TOP3A: variants seen among roughly 807,000 people sequenced by gnomAD.
TOP3A encodes DNA topoisomerase 3-alpha.
A neutral mutation model predicts 111.3 loss-of-function variants in TOP3A; 64 were observed. The observed-to-expected ratio is 0.57, with a 90% CI of 0.47 to 0.71. The LOEUF (loss-of-function observed/expected upper bound fraction) is 0.71. Ranked by LOEUF, TOP3A falls within the 30% of genes least tolerant of loss-of-function variation. The pLI, the probability that TOP3A is intolerant of heterozygous loss-of-function variation, is 0.00. For missense variants in TOP3A, 1,104 were observed against 1,285.0 expected (o/e 0.86, Z 2.15); for synonymous variants, 484 against 485.1 (o/e 1.00, Z 0.03).
intron 10 of TOP3A, among the ~76,000 whole-genome samples, chr17:18,293,448 G>A (rs997614313): frequency 6.6e-6 from 1 of 151,812 alleles, no homozygotes; most frequent in Non-Finnish European, 1.5e-5. Flanking sequence ...ACCATGCCTG[G>A]CTAATTTTTT....
intron 18 of TOP3A, among the ~76,000 whole-genome samples, chr17:18,277,014 G>T (rs140495557): frequency 6.6e-6 from 1 of 152,014 alleles, no homozygotes; most frequent in African/African-American, 2.4e-5. Context: ...TGAAACCCCC[G>T]TCTCTACTAA....
rs1399035650 is a variant in TOP3A, at chr17:18,299,565, G to A, written c.984C>T (p.Asp328=). The A allele has an allele frequency of 6.2e-7, 1 of 1,614,016 alleles. No homozygotes were observed. The highest frequency in any genetic ancestry group is 1.1e-5 in the South Asian group (1 of 91,080). Residue 328 remains aspartate (D), a synonymous_variant, in exon 9 of 19, where the codon GAC becomes GAT. Coordinates refer to ENST00000321105, the MANE Select transcript of TOP3A (RefSeq NM_004618.5). ...PKSKWRPQAL[D]TVELEKLASR... ...CAGCCTGTCTGGAACATACCACAGT[G>A]TCCAAGGCTTGAGGCCGCCACTTGC...
At chr17:18,303,649 C>T (rs775543155) in intron 5 of TOP3A, among the ~76,000 whole-genome samples, 2 of 152,092 alleles carry the variant, frequency 1.3e-5, no homozygotes, top group South Asian at 4.1e-4. Flanking sequence ...GGCACAGCAC[C>T]TTCCCTTAAA....
At chr17:18,293,491 T>C (rs889184277) in intron 10 of TOP3A, among the ~76,000 whole-genome samples, 6 of 151,552 alleles carry the variant, frequency 4.0e-5, no homozygotes, top group Non-Finnish European at 7.4e-5. Context: ...TTTGTCATGT[T>C]GCTCAGGTCG....
chr17:18,303,312 G>A (rs1321658872), intron 5 of TOP3A, among the ~76,000 whole-genome samples: 2 of 152,232 alleles, frequency 1.3e-5, no homozygotes, highest in African/African-American at 4.8e-5. Flanking sequence ...GGTTTCCCCC[G>A]ACTGAGACAG....
rs766790202 is a variant in TOP3A at position 18,278,236 on chromosome 17, G to A, written c.2266C>T (p.Pro756Ser). 3.2e-5 allele frequency: 50 copies of A among 1,576,604 alleles called. No individual in the cohort carries two copies. The highest frequency in any genetic ancestry group is 4.1e-5 in the Non-Finnish European group (47 of 1,159,982). ...EILDLRFSGG[P>S]PRASQPSGRL... is the part of the protein sequence containing the mutation. ...CCAGAGGGCTGGCTAGCCCTGGGGGGGCCCCCTGAAAATCTCAGGTCCAGG... is the reference window on the plus strand; with the variant it reads ...CCAGAGGGCTGGCTAGCCCTGGGGGAGCCCCCTGAAAATCTCAGGTCCAGG... The change falls in exon 18 of 19, where the codon CCC becomes TCC. Residue 756 changes from proline to serine, a missense_variant. By Grantham distance (74) the Pro-to-Ser change is moderately conservative. Coordinates refer to ENST00000321105, the MANE Select transcript of TOP3A (RefSeq NM_004618.5).
At chr17:18,309,114 C>G (rs1340693614) in intron 1 of TOP3A, among the ~76,000 whole-genome samples, 173 bp from the exon 2 acceptor site, 1 of 152,032 alleles carries the variant, frequency 6.6e-6, no homozygotes, top group Non-Finnish European at 1.5e-5. Context: ...TGAAAAGATG[C>G]TCAATGTTAT....
chr17:18,280,447 C>T (rs956981246), intron 17 of TOP3A, 89 bp downstream of exon 17: 2 of 1,486,650 alleles, frequency 1.3e-6, no homozygotes, highest in Admixed American at 2.0e-5. Flanking sequence ...AGTGGAATCC[C>T]CGACACTCCT....
At chr17:18,294,567 A>G in intron 10 of TOP3A, 136 bp downstream of exon 10, 1 of 635,066 alleles carries the variant, frequency 1.6e-6, no homozygotes. Flanking sequence ...TGACCTCGTG[A>G]TCTGCCCGCC....
intron 8 of TOP3A, among the ~76,000 whole-genome samples, chr17:18,300,626 G>C (rs1981169454): frequency 6.6e-6 from 1 of 151,866 alleles, no homozygotes; most frequent in South Asian, 2.1e-4. Flanking sequence ...CATAATCATG[G>C]CTCACTGCAG....
intron 1 of TOP3A, among the ~76,000 whole-genome samples, chr17:18,309,255 A>T (rs950803439): frequency 6.6e-6 from 1 of 152,244 alleles, no homozygotes; most frequent in African/African-American, 2.4e-5. Flanking sequence ...GAGAAATTGG[A>T]CATTGTCAGT....
intron 15 of TOP3A, among the ~76,000 whole-genome samples, chr17:18,283,190 TGAA>T (rs1979876170): frequency 6.6e-6 from 1 of 152,092 alleles, no homozygotes; most frequent in South Asian, 2.1e-4. Flanking sequence ...ACCAACATGG[TGAA>T]ACCCCGTCTC....
chr17:18,296,296 A>G (rs1212655957), intron 9 of TOP3A, among the ~76,000 whole-genome samples: 2 of 151,948 alleles, frequency 1.3e-5, no homozygotes, highest in Non-Finnish European at 2.9e-5. Flanking sequence ...TATAAAATCA[A>G]TGCAGCTGGG....
At chr17:18,296,605 A>G (rs138651309) in intron 9 of TOP3A, among the ~76,000 whole-genome samples, 24 of 152,126 alleles carry the variant, frequency 1.6e-4, no homozygotes, top group Admixed American at 6.5e-4. Flanking sequence ...AACAAACAAA[A>G]TGCATAACTT....
At position 18,290,692 on chromosome 17, in the gene TOP3A, G is replaced by A. The variant is rs773314118; in HGVS notation, c.1468-6C>T. 6.3e-7 allele frequency: 1 copy of A among 1,589,968 alleles called. No individual in the cohort carries two copies. The highest frequency in any genetic ancestry group is 8.6e-7 in the Non-Finnish European group (1 of 1,166,396). On this transcript the variant is annotated splice_polypyrimidine_tract_variant and splice_region_variant and intron_variant, in intron 12 of 18. Transcript: ENST00000321105. ...TGCTCATAGACAGGGAGGATCTACA[G>A]GGAGCGGCAGGTGCAACAGTCAGAT...
At chr17:18,310,484 G>C (rs768512613) in intron 1 of TOP3A, among the ~76,000 whole-genome samples, 12 of 152,108 alleles carry the variant, frequency 7.9e-5, no homozygotes, top group Non-Finnish European at 1.3e-4. Context: ...AACATGGATG[G>C]ACTTCAAGAT....
intron 10 of TOP3A, among the ~76,000 whole-genome samples, chr17:18,293,884 C>T (rs1409548023): frequency 6.6e-6 from 1 of 152,220 alleles, no homozygotes; most frequent in Non-Finnish European, 1.5e-5. Flanking sequence ...CGTGAGCCAC[C>T]ACGCCCAGCA....
Position 18,308,338 on chromosome 17 carries a change from G to T in TOP3A, c.314+13C>A. 6.4e-7 allele frequency: 1 copy of T among 1,559,890 alleles called. No individual in the cohort carries two copies. Among genetic ancestry groups the T allele is most frequent in the African/African-American group, 1.4e-5 (1 of 73,288 alleles). On this transcript the variant is annotated intron_variant, in intron 3 of 18. Coordinates refer to ENST00000321105, the MANE Select transcript of TOP3A (RefSeq NM_004618.5). ...TATAATCTGAAAGTCCTTCCCTTGA[G>T]AATTGTACTGACCATTTTCGAAACT... is the stretch of plus-strand genomic sequence containing the variant.
At chr17:18,292,184 T>A (rs371969533) in intron 11 of TOP3A, among the ~76,000 whole-genome samples, 4 of 152,228 alleles carry the variant, frequency 2.6e-5, no homozygotes, top group East Asian at 3.8e-4. Flanking sequence ...CTGCAGAGCC[T>A]GCCCCTGGCT....
Sources: gnomAD v4.1 joint callset for allele counts (sites outside exome capture counted in the v4.1 genomes callset) on GRCh38, gnomAD v4.1.1 for gene constraint, MANE v1.5 for transcripts, NCBI Gene and HGNC (gene_info 2026-07-23, HGNC 2026-07-21) for gene names.